The following PDS5A variants were observed in gnomAD, a reference collection of about 807,000 sequenced individuals.
PDS5A encodes the protein PDS5 cohesin associated factor A.
PDS5A carries 42 observed loss-of-function variants against 167.1 expected under a neutral mutation model. The observed-to-expected ratio is 0.25, with a 90% CI of 0.20 to 0.33. The LOEUF (loss-of-function observed/expected upper bound fraction) is 0.33, where lower values mean the gene tolerates loss of function less well. PDS5A is among the 10% of genes least tolerant of loss of function. The pLI is 1.00. For missense variants in PDS5A, 1,033 were observed against 1,605.9 expected (o/e 0.64, Z 6.10); for synonymous variants, 553 against 554.6 (o/e 1.00, Z 0.04).
At chr4:39,886,310 CATGTAA>C (rs148073589) in intron 17 of PDS5A, among the ~76,000 whole-genome samples, 1 of 152,188 alleles carries the variant, frequency 6.6e-6, no homozygotes, top group East Asian at 1.9e-4. Context: ...TTTGTGGTTC[CATGTAA>C]ATGTTAGGAT....
intron 20 of PDS5A, among the ~76,000 whole-genome samples, chr4:39,873,795 G>C (rs1720248338): frequency 6.6e-6 from 1 of 152,084 alleles, no homozygotes; most frequent in African/African-American, 2.4e-5. Context: ...TGTAATCCTA[G>C]CACTTTGAAA....
intron 27 of PDS5A, among the ~76,000 whole-genome samples, chr4:39,849,197 C>T (rs1471580581): frequency 6.6e-6 from 1 of 152,010 alleles, no homozygotes; most frequent in Non-Finnish European, 1.5e-5. Flanking sequence ...AAATAACAAA[C>T]AAATGAACCA....
At chr4:39,976,283 C>G in intron 2 of PDS5A, 157 bp downstream of exon 2, 3 of 542,530 alleles carry the variant, frequency 5.5e-6, no homozygotes, top group South Asian at 3.5e-5. Flanking sequence ...CCCTACAAAA[C>G]TCACTCAAAG....
At chr4:39,869,342 C>T in intron 22 of PDS5A, 52 bp downstream of exon 22, 2 of 1,059,394 alleles carry the variant, frequency 1.9e-6, no homozygotes, top group Non-Finnish European at 2.9e-6. Context: ...AAGATAACTA[C>T]AAAATGTCCC....
chr4:39,864,543 G>C (rs948544196), intron 23 of PDS5A, among the ~76,000 whole-genome samples: 1 of 152,276 alleles, frequency 6.6e-6, no homozygotes, highest in Admixed American at 6.5e-5. Flanking sequence ...CATGGCTTTT[G>C]TATTTATTGT....
At chr4:39,927,446 G>A (rs1214121868) in intron 3 of PDS5A, among the ~76,000 whole-genome samples, 1 of 152,106 alleles carries the variant, frequency 6.6e-6, no homozygotes, top group Admixed American at 6.6e-5. Context: ...AAAGAAAGCA[G>A]TCTACAGGAT....
intron 2 of PDS5A, among the ~76,000 whole-genome samples, chr4:39,972,673 CCT>C (rs1730663843): frequency 7.0e-6 from 1 of 142,178 alleles, no homozygotes; most frequent in Non-Finnish European, 1.6e-5. Flanking sequence ...CCACAACTTT[CCT>C]TTTTTTTTTT....
intron 14 of PDS5A, among the ~76,000 whole-genome samples, chr4:39,899,851 TAAAAAAAAA>T (rs532738160): frequency 2.0e-5 from 2 of 102,412 alleles, no homozygotes; most frequent in African/African-American, 4.6e-5. Context: ...TCCTGTGTAT[TAAAAAAAAA>T]AAAAAAAAAA....
At chr4:39,825,550 A>G in intron 32 of PDS5A, 62 bp from the exon 33 acceptor site, 1 of 1,252,988 alleles carries the variant, frequency 8.0e-7, no homozygotes, top group Non-Finnish European at 1.1e-6. Context: ...AACCAAACGA[A>G]AATGATTTCA....
intron 32 of PDS5A, among the ~76,000 whole-genome samples, chr4:39,832,104 C>A (rs1260903529): frequency 6.6e-6 from 1 of 151,482 alleles, no homozygotes; most frequent in African/African-American, 2.4e-5. Flanking sequence ...GGTGACAGAG[C>A]AAGACTCCAT....
At chr4:39,935,505 T>C (rs539834873) in intron 2 of PDS5A, among the ~76,000 whole-genome samples, 6 of 152,374 alleles carry the variant, frequency 3.9e-5, no homozygotes, top group African/African-American at 1.4e-4. Context: ...GGTCGAGGTG[T>C]TCAAGCCTCA....
chr4:39,962,472 C>A (rs1425991338), intron 2 of PDS5A, among the ~76,000 whole-genome samples: 4 of 152,124 alleles, frequency 2.6e-5, no homozygotes, highest in Non-Finnish European at 5.9e-5. Context: ...AATAAGTTGG[C>A]TTCATTGGAA....
At chr4:39,900,310 G>A (rs1314170792) in intron 14 of PDS5A, 116 bp downstream of exon 14, 2 of 645,904 alleles carry the variant, frequency 3.1e-6, no homozygotes, top group Non-Finnish European at 5.4e-6. Flanking sequence ...ATATTTAACT[G>A]ACATTTGGAA....
At chr4:39,933,714 A>G (rs1490312386) in intron 2 of PDS5A, among the ~76,000 whole-genome samples, 1 of 152,224 alleles carries the variant, frequency 6.6e-6, no homozygotes, top group African/African-American at 2.4e-5. Context: ...TTGCTTTACC[A>G]CACAGGAACA....
At position 39,957,770 on chromosome 4, in the gene PDS5A, G is replaced by A. The variant is rs1173038121; in HGVS notation, c.138+18670C>T. Among the ~76,000 whole-genome samples, 7 of 134,200 alleles carry A rather than the reference G, an allele frequency of 5.2e-5. No individual in the cohort carries two copies. The Admixed American group carries it at 6.0e-4, about 11-fold the overall frequency. The allele number at this position is 134,200 out of a possible 152,430, so 88.0% of individuals were successfully genotyped here. Reference sequence around the variant, plus strand: ...CCACTGCACTCCAGCCTGGGCGACAGTGTGAGACTCCATCTCAAAAAAAAA... The same window carrying A: ...CCACTGCACTCCAGCCTGGGCGACAATGTGAGACTCCATCTCAAAAAAAAA... On this transcript the variant is annotated intron_variant, in intron 2 of 32. Coordinates refer to ENST00000303538, the MANE Select transcript of PDS5A (RefSeq NM_001100399.2).
chr4:39,850,980 T>C (rs2109519602), intron 26 of PDS5A, among the ~76,000 whole-genome samples: 1 of 152,340 alleles, frequency 6.6e-6, no homozygotes, highest in South Asian at 2.1e-4. Context: ...ACATTCCACA[T>C]AATTGTTTTA....
intron 32 of PDS5A, among the ~76,000 whole-genome samples, chr4:39,832,821 G>A (rs1468828175): frequency 1.3e-5 from 2 of 151,894 alleles, no homozygotes; most frequent in Non-Finnish European, 2.9e-5. Flanking sequence ...TGGTGCCACT[G>A]CACTCCAGCC....
At chr4:39,831,875 CAAAAAAAAAAAAAA>C (rs58913167) in intron 32 of PDS5A, among the ~76,000 whole-genome samples, 5 of 25,934 alleles carry the variant, frequency 1.9e-4, no homozygotes, top group South Asian at 3.6e-3. Flanking sequence ...AAACTCGTCT[CAAAAAAAAAAAAAA>C]AAAAAAAAAA....
intron 21 of PDS5A, 51 bp from the exon 22 acceptor site, chr4:39,869,513 G>A (rs1453047569): frequency 9.1e-7 from 1 of 1,100,286 alleles, no homozygotes; most frequent in Admixed American, 1.8e-5. Context: ...AAAAATTTAT[G>A]TTTTTGCTGA....
Sources: gnomAD v4.1 joint callset for allele counts (sites outside exome capture counted in the v4.1 genomes callset) on GRCh38, gnomAD v4.1.1 for gene constraint, MANE v1.5 for transcripts, NCBI Gene and HGNC (gene_info 2026-07-23, HGNC 2026-07-21) for gene names.